AP1B1: variants seen among roughly 807,000 people sequenced by gnomAD.
AP1B1 encodes adaptor related protein complex 1 subunit beta 1.
A neutral mutation model predicts 104.3 loss-of-function variants in AP1B1; 36 were observed. That is an observed-to-expected ratio of 0.35 (90% CI 0.26 to 0.46). The LOEUF (loss-of-function observed/expected upper bound fraction) is 0.46. Among genes scored for constraint, AP1B1 ranks in the 20% least tolerant of loss-of-function variants. AP1B1 has a pLI of 1.00. For synonymous variants in AP1B1, 504 were observed against 517.5 expected (o/e 0.97, Z 0.35); for missense variants, 901 against 1,247.9 (o/e 0.72, Z 4.19).
intron 11 of AP1B1, among the ~76,000 whole-genome samples, chr22:29,346,801 G>C (rs978539230): frequency 5.9e-5 from 9 of 152,102 alleles, no homozygotes; most frequent in Middle Eastern, 3.2e-3. Context: ...CAGTGGGGGG[G>C]GGTGACGGTG....
At position 29,341,598 on chromosome 22, in the gene AP1B1, T is replaced by G. The variant is rs1360184297; in HGVS notation, c.1699A>C (p.Ile567Leu). The change falls in exon 13 of 23, where the codon ATC becomes CTC. Residue 567 changes from isoleucine (I) to leucine (L), a missense_variant. Around this residue, in one of 3 missense-constraint regions of AP1B1, gnomAD observed 471 missense variants for 696.7 expected, o/e 0.68. Coordinates refer to ENST00000357586, the MANE Select transcript of AP1B1 (RefSeq NM_001127.4). The stretch of plus-strand genomic sequence containing the variant: ...TGGTAGACGGAAGCCAGCGTGCCGA[T>G]GTAGCAGATAAGCTCGTCTAACAGT... ...PTLLDELICY[I>L]GTLASVYHKP... 6.2e-7 allele frequency: 1 copy of G among 1,614,248 alleles called. No individual in the cohort carries two copies.
chr22:29,368,433 A>G (rs2062178040), intron 1 of AP1B1, among the ~76,000 whole-genome samples: 1 of 152,230 alleles, frequency 6.6e-6, no homozygotes, highest in Non-Finnish European at 1.5e-5. Flanking sequence ...GAAAGAAAAG[A>G]AGTTACACAG....
intron 1 of AP1B1, among the ~76,000 whole-genome samples, chr22:29,379,334 A>G (rs1218180320): frequency 6.6e-6 from 1 of 152,206 alleles, no homozygotes; most frequent in Non-Finnish European, 1.5e-5. Context: ...ATCTCAAAAA[A>G]AGAAAAAGTT....
intron 1 of AP1B1, among the ~76,000 whole-genome samples, chr22:29,369,837 ATT>A (rs564733165): frequency 0.073 from 8,699 of 119,952 alleles, 242 homozygotes; most frequent in South Asian, 0.1. Context: ...ATTAAAAACG[ATT>A]TTTTTTTTTT....
chr22:29,384,308 C>T (rs988308289), intron 1 of AP1B1, among the ~76,000 whole-genome samples: 4 of 152,060 alleles, frequency 2.6e-5, no homozygotes, highest in East Asian at 3.9e-4. Flanking sequence ...CCTGAAACAC[C>T]CTGATGGCTG....
At position 29,329,553 on chromosome 22, in the gene AP1B1, G is replaced by C. The variant is rs1011485473; in HGVS notation, c.2775+159C>G. 7 of 1,489,834 alleles carry C rather than the reference G, an allele frequency of 4.7e-6. No homozygotes were observed. The African/African-American group carries it at 9.8e-5, about 21-fold the overall frequency. 92.3% of individuals were successfully genotyped at this position (1,489,834 alleles called of 1,614,324 possible). A position where few individuals can be genotyped will look rare whatever the true frequency, so the allele number is the denominator to read the frequency against. ...GTGCACACTGTGAATGTGTGGAAGTGGGGTGTCAGCACCTCAATCAGGGCC... is the reference window on the plus strand; with the variant it reads ...GTGCACACTGTGAATGTGTGGAAGTCGGGTGTCAGCACCTCAATCAGGGCC... On this transcript the variant is annotated intron_variant, in intron 22 of 22. Coordinates refer to ENST00000357586, the MANE Select transcript of AP1B1 (RefSeq NM_001127.4).
chr22:29,369,169 C>T (rs750430015), intron 1 of AP1B1, among the ~76,000 whole-genome samples: 12 of 152,220 alleles, frequency 7.9e-5, no homozygotes, highest in Non-Finnish European at 1.2e-4. Context: ...ACTAGTGCAA[C>T]GGATGTGAGG....
intron 3 of AP1B1, 117 bp from the exon 4 acceptor site, chr22:29,360,076 T>A (rs967693425): frequency 4.4e-6 from 5 of 1,129,948 alleles, no homozygotes; most frequent in Admixed American, 2.6e-5. Context: ...AGAGACACAC[T>A]GGACTTCCTG....
intron 11 of AP1B1, among the ~76,000 whole-genome samples, chr22:29,342,646 G>T: frequency 6.6e-6 from 1 of 152,230 alleles, no homozygotes; most frequent in Non-Finnish European, 1.5e-5. Context: ...AGGGGCCGCT[G>T]CCCAGCCCTA....
intron 3 of AP1B1, among the ~76,000 whole-genome samples, chr22:29,362,643 C>A (rs1024696513): frequency 4.6e-5 from 7 of 152,184 alleles, no homozygotes; most frequent in African/African-American, 1.4e-4. Context: ...CCGCGCCTGG[C>A]CCAGATTTCC....
At chr22:29,358,646 C>G in intron 5 of AP1B1, 80 bp downstream of exon 5, 1 of 1,543,706 alleles carries the variant, frequency 6.5e-7, no homozygotes, top group South Asian at 1.2e-5. Flanking sequence ...CTCAGGACTG[C>G]CTGGTGAAGA....
intron 1 of AP1B1, among the ~76,000 whole-genome samples, chr22:29,385,456 T>G (rs2283852): frequency 0.35 from 53,746 of 151,704 alleles, 10,413 homozygotes; most frequent in East Asian, 0.67. Flanking sequence ...TGGGAAAAGG[T>G]GAGTGTGGAG....
At chr22:29,359,354 CCGAGCACGGACAGGA>C (rs1438799177) in intron 4 of AP1B1, among the ~76,000 whole-genome samples, 2 of 152,194 alleles carry the variant, frequency 1.3e-5, no homozygotes, top group Non-Finnish European at 2.9e-5. Flanking sequence ...TTCCCCATAT[CCGAGCACGGACAGGA>C]CTCAGGGGAG....
chr22:29,349,363 G>C lies in AP1B1; in HGVS notation c.1292C>G (p.Thr431Arg). 1 of 1,613,968 alleles carries C rather than the reference G, an allele frequency of 6.2e-7. No homozygotes were observed. The highest frequency in any genetic ancestry group is 8.5e-7 in the Non-Finnish European group (1 of 1,180,024). ...YPNKYESVIA[T>R]LCENLDSLDE... Reference sequence around the variant, plus strand: ...CAGGGAGTCCAGATTCTCACACAGTGTGGCAATCACACTCTCATACCTGGG... The same window carrying C: ...CAGGGAGTCCAGATTCTCACACAGTCTGGCAATCACACTCTCATACCTGGG... The change falls in exon 11 of 23, where the codon ACA becomes AGA. Residue 431 changes from threonine (T) to arginine (R), a missense_variant. Thr to Arg is a moderately conservative substitution (Grantham distance 71). Transcript: ENST00000357586.
intron 2 of AP1B1, among the ~76,000 whole-genome samples, chr22:29,365,801 C>T (rs927532474): frequency 6.6e-6 from 1 of 151,412 alleles, no homozygotes; most frequent in African/African-American, 2.4e-5. Context: ...CTCACTCCTT[C>T]CCCTTCCTAT....
intron 16 of AP1B1, among the ~76,000 whole-genome samples, chr22:29,337,579 G>A (rs2061656090): frequency 6.6e-6 from 1 of 152,166 alleles, no homozygotes; most frequent in Non-Finnish European, 1.5e-5. Flanking sequence ...GAAGAGAGAG[G>A]GGAGCTCTGG....
At chr22:29,348,157 CT>C (rs2061820466) in intron 11 of AP1B1, among the ~76,000 whole-genome samples, 1 of 152,266 alleles carries the variant, frequency 6.6e-6, no homozygotes, top group Admixed American at 6.5e-5. Flanking sequence ...TGCCTACTTG[CT>C]AAAATTTACT....
chr22:29,331,579 C>T, intron 18 of AP1B1, 46 bp from the exon 19 acceptor site: 1 of 1,604,274 alleles, frequency 6.2e-7, no homozygotes, highest in Non-Finnish European at 8.5e-7. Flanking sequence ...CTTGACGCCA[C>T]CTCTGAGGCC....
At chr22:29,339,173 G>A (rs201280829) in intron 15 of AP1B1, 40 bp from the exon 16 acceptor site, 2 of 1,613,038 alleles carry the variant, frequency 1.2e-6, no homozygotes, top group African/African-American at 1.3e-5. Flanking sequence ...GGCGTCAAGA[G>A]GCAAAGACAT....
Sources: allele counts gnomAD v4.1 joint callset (sites outside exome capture counted in the v4.1 genomes callset), GRCh38; gene constraint gnomAD v4.1.1; regional missense constraint gnomAD v4.1.1; transcripts MANE v1.5; gene names NCBI Gene and HGNC (gene_info 2026-07-23, HGNC 2026-07-21).